MLLT3: variants seen among roughly 807,000 people sequenced by gnomAD.
MLLT3 encodes MLLT3 super elongation complex subunit, also known as protein AF-9.
MLLT3 carries 4 observed loss-of-function variants against 53.2 expected under a neutral mutation model. The ratio of observed to expected loss-of-function variants is 0.08; its 90% CI spans 0.04 to 0.17. MLLT3 has a LOEUF of 0.17. Ranked by LOEUF, MLLT3 falls within the 10% of genes least tolerant of loss-of-function variation. The pLI, the probability that MLLT3 is intolerant of heterozygous loss-of-function variation, is 1.00. For synonymous variants in MLLT3, 283 were observed against 230.6 expected (o/e 1.23, Z -2.06); for missense variants, 569 against 684.0 (o/e 0.83, Z 1.87).
chr9:20,448,292 G>GA lies in MLLT3; in HGVS notation c.277-27dup. ...CTGGAGGTTAACAAAAATTATGAAA[G>GA]AAAAAAGAGAGTGAGGCATAAGTGA... On this transcript the variant is annotated intron_variant, in intron 3 of 10. Coordinates refer to ENST00000380338, the MANE Select transcript of MLLT3 (RefSeq NM_004529.4). The surrounding 1 kb of genome is among the most constrained non-coding windows in gnomAD (Gnocchi z 4.0). 2.5e-6 allele frequency: 4 copies of GA among 1,593,764 alleles called. No homozygotes were observed. The highest frequency in any genetic ancestry group is 2.6e-6 in the Non-Finnish European group (3 of 1,171,914).
chr9:20,357,814 G>C (rs1563934757), intron 8 of MLLT3, among the ~76,000 whole-genome samples: 1 of 152,078 alleles, frequency 6.6e-6, no homozygotes, highest in African/African-American at 2.4e-5. Context: ...TCAATTCATA[G>C]AGAGAGAACA....
chr9:20,363,771 T>C (rs1273615904), intron 6 of MLLT3, among the ~76,000 whole-genome samples, 166 bp from the exon 7 acceptor site: 1 of 152,198 alleles, frequency 6.6e-6, no homozygotes, highest in Non-Finnish European at 1.5e-5. Flanking sequence ...TAAAATGCAA[T>C]CTCTGCCAAA....
At chr9:20,515,938 T>C (rs1287749355) in intron 2 of MLLT3, among the ~76,000 whole-genome samples, 1 of 152,236 alleles carries the variant, frequency 6.6e-6, no homozygotes, top group Non-Finnish European at 1.5e-5. Flanking sequence ...AACATCTATT[T>C]GCTTTTATAC....
intron 4 of MLLT3, among the ~76,000 whole-genome samples, chr9:20,418,138 ACT>A (rs1822918772): frequency 6.6e-6 from 1 of 152,224 alleles, no homozygotes; most frequent in South Asian, 2.1e-4. Flanking sequence ...ATTTGTTCAA[ACT>A]GCATTTTTAC....
intron 2 of MLLT3, among the ~76,000 whole-genome samples, chr9:20,565,932 ATATATTTATATATATATATATT>A: frequency 7.8e-5 from 1 of 12,754 alleles, no homozygotes; most frequent in African/African-American, 3.4e-4. Flanking sequence ...TTATATATAT[ATATATTTATATATATATATATT>A]TATATATATA....
At chr9:20,436,620 A>C (rs896811825) in intron 4 of MLLT3, among the ~76,000 whole-genome samples, 14 of 152,192 alleles carry the variant, frequency 9.2e-5, no homozygotes, top group African/African-American at 3.4e-4. Context: ...AAGAAAGCTA[A>C]TATCACTATG....
intron 2 of MLLT3, among the ~76,000 whole-genome samples, chr9:20,465,258 G>A (rs549562486): frequency 2.6e-5 from 4 of 152,202 alleles, no homozygotes; most frequent in Non-Finnish European, 4.4e-5. Context: ...AAGAGATAAT[G>A]TTCAAATTAT....
intron 2 of MLLT3, among the ~76,000 whole-genome samples, chr9:20,598,644 A>T (rs1820336720): frequency 6.6e-6 from 1 of 152,252 alleles, no homozygotes; most frequent in Admixed American, 6.5e-5. Context: ...AAGTTATCTA[A>T]TTACCAGAAG....
At chr9:20,496,462 C>T (rs773351074) in intron 2 of MLLT3, among the ~76,000 whole-genome samples, 2 of 152,008 alleles carry the variant, frequency 1.3e-5, no homozygotes, top group Non-Finnish European at 2.9e-5. Context: ...TAGATCACTC[C>T]AAATTATATT....
intron 2 of MLLT3, among the ~76,000 whole-genome samples, chr9:20,613,245 A>G (rs1391464328): frequency 6.6e-6 from 1 of 152,208 alleles, no homozygotes; most frequent in East Asian, 1.9e-4. Flanking sequence ...GAATATACTA[A>G]AAACCACAGA....
intron 2 of MLLT3, among the ~76,000 whole-genome samples, chr9:20,482,896 G>A (rs972404732): frequency 2.0e-5 from 3 of 152,030 alleles, no homozygotes; most frequent in Non-Finnish European, 2.9e-5. Flanking sequence ...CACATTACCC[G>A]ATAACCTGTT....
chr9:20,381,525 C>T (rs1015643003), intron 5 of MLLT3, among the ~76,000 whole-genome samples: 2 of 151,796 alleles, frequency 1.3e-5, no homozygotes, highest in Non-Finnish European at 2.9e-5. Context: ...ATTATATTTG[C>T]CATGTATATT....
chr9:20,596,548 G>A (rs536333246), intron 2 of MLLT3, among the ~76,000 whole-genome samples: 1 of 152,186 alleles, frequency 6.6e-6, no homozygotes, highest in South Asian at 2.1e-4. Context: ...AAAATTAGCT[G>A]GGCATGGTGG....
At chr9:20,562,335 T>C (rs1819238084) in intron 2 of MLLT3, among the ~76,000 whole-genome samples, 1 of 151,884 alleles carries the variant, frequency 6.6e-6, no homozygotes, top group Admixed American at 6.6e-5. Context: ...CACCACTACC[T>C]CTACCACCAC....
rs1281622329 is a variant in MLLT3, at chr9:20,620,245, C to T, written c.193+409G>A. The stretch of plus-strand genomic sequence containing the variant: ...ATAACACAGGTAAATCTTAATTTCT[C>T]TAGGAAAACACACACACACACACAC... On this transcript the variant is annotated intron_variant, in intron 2 of 10. Transcript: ENST00000380338. This position sits in a 1 kb window ranked among gnomAD's most constrained non-coding sequence, Gnocchi z 6.1. Among the ~76,000 whole-genome samples, 1 of 130,356 alleles carries T rather than the reference C, an allele frequency of 7.7e-6. No individual in the cohort carries two copies. The highest frequency in any genetic ancestry group is 1.6e-5 in the Non-Finnish European group (1 of 63,048). The allele number at this position is 130,356 out of a possible 152,430, so 85.5% of individuals were successfully genotyped here. A position where few individuals can be genotyped will look rare whatever the true frequency, so the allele number is the denominator to read the frequency against.
chr9:20,399,523 G>C (rs1171478272), intron 5 of MLLT3, among the ~76,000 whole-genome samples: 1 of 152,114 alleles, frequency 6.6e-6, no homozygotes, highest in Non-Finnish European at 1.5e-5. Context: ...ATACATGGTA[G>C]ATGCACAAAG....
intron 2 of MLLT3, among the ~76,000 whole-genome samples, chr9:20,522,473 T>C (rs1818088967): frequency 1.3e-5 from 2 of 152,186 alleles, no homozygotes; most frequent in Non-Finnish European, 2.9e-5. Context: ...CTCTTAGATA[T>C]AATCTCTTAG....
chr9:20,584,389 T>C (rs2131177929), intron 2 of MLLT3, among the ~76,000 whole-genome samples: 1 of 152,192 alleles, frequency 6.6e-6, no homozygotes, highest in East Asian at 1.9e-4. Context: ...CAAAATCACT[T>C]CCACATTTCT....
intron 2 of MLLT3, among the ~76,000 whole-genome samples, chr9:20,551,745 C>T (rs1818931316): frequency 6.6e-6 from 1 of 152,168 alleles, no homozygotes; most frequent in African/African-American, 2.4e-5. Flanking sequence ...AATGATGATA[C>T]AAACCATTTA....
Sources: allele counts gnomAD v4.1 joint callset (sites outside exome capture counted in the v4.1 genomes callset), GRCh38; gene constraint gnomAD v4.1.1; non-coding constraint Gnocchi (gnomAD v3.1); transcripts MANE v1.5; gene names NCBI Gene and HGNC (gene_info 2026-07-23, HGNC 2026-07-21).